The following CYTH1 variants were observed in gnomAD, a reference collection of about 807,000 sequenced individuals.
CYTH1 encodes the protein cytohesin 1.
CYTH1 carries 18 observed loss-of-function variants against 61.8 expected under a neutral mutation model. The observed-to-expected ratio is 0.29, with a 90% CI of 0.20 to 0.43. The LOEUF (loss-of-function observed/expected upper bound fraction) is 0.43, where lower values mean the gene tolerates loss of function less well. Ranked by LOEUF, CYTH1 falls within the 20% of genes least tolerant of loss-of-function variation. CYTH1 has a pLI of 1.00. For missense variants in CYTH1, 336 were observed against 510.5 expected, an observed-to-expected ratio of 0.66 and a Z score of 3.29; for synonymous variants, 174 against 184.3, an observed-to-expected ratio of 0.94 and a Z score of 0.45.
chr17:78,712,205 GAAAGAGAAAGAA>G (rs1001535872), intron 1 of CYTH1, among the ~76,000 whole-genome samples: 3 of 151,250 alleles, frequency 2.0e-5, no homozygotes, highest in Non-Finnish European at 4.4e-5. Flanking sequence ...AAGAGAGAGA[GAAAGAGAAAGAA>G]AAAGAGAAAG....
chr17:78,687,024 GC>G (rs1201578731), intron 11 of CYTH1, among the ~76,000 whole-genome samples: 13 of 152,010 alleles, frequency 8.6e-5, no homozygotes, highest in Non-Finnish European at 1.5e-5. Context: ...CAGGTGATCT[GC>G]CCACCTTGGC....
intron 11 of CYTH1, among the ~76,000 whole-genome samples, chr17:78,685,336 C>T (rs1347732787): frequency 6.8e-6 from 1 of 147,440 alleles, no homozygotes; most frequent in Non-Finnish European, 1.5e-5. Flanking sequence ...GTTCCTCCTC[C>T]CACCTCCTGA....
Position 78,679,512 on chromosome 17 carries a change from G to T in CYTH1, c.1118+678C>A, listed in dbSNP as rs192034030. Among the ~76,000 whole-genome samples, 22 of 152,316 alleles carry T rather than the reference G, an allele frequency of 1.4e-4. No homozygotes were observed. The East Asian group carries it at 3.9e-3, about 27-fold the overall frequency. On this transcript the variant is annotated intron_variant, in intron 13 of 13. Coordinates refer to ENST00000446868, the MANE Select transcript of CYTH1 (RefSeq NM_004762.6). ...GGAGAGCCAGGCAGACCAAGTCCCA[G>T]GGAAGAACATTAAGCAAGAGAAGCC...
At chr17:78,761,732 C>T (rs150846416) in intron 1 of CYTH1, among the ~76,000 whole-genome samples, 76 of 151,836 alleles carry the variant, frequency 5.0e-4, no homozygotes, top group African/African-American at 1.0e-3. Context: ...AGCGAGACTC[C>T]GTCTCAAAAA....
rs2093159377 is a variant in CYTH1 at position 78,713,965 on chromosome 17, C to T, written c.23-4233G>A. Among the ~76,000 whole-genome samples the T allele has an allele frequency of 4.6e-5, 7 of 152,278 alleles. No homozygotes were observed. In the South Asian group the frequency reaches 1.2e-3, roughly 27 times the overall value. ...TATAAATTCAAAATGCCCTTCTAGTCCTCTATCTTCCAAGATATTATTTTT... is the reference window on the plus strand; with the variant it reads ...TATAAATTCAAAATGCCCTTCTAGTTCTCTATCTTCCAAGATATTATTTTT... On this transcript the variant is annotated intron_variant, in intron 1 of 13. Transcript: ENST00000446868.
rs558852729 is a variant in CYTH1 at position 78,775,238 on chromosome 17, G to T, written c.22+6964C>A. ...TCCTGTGGCCCATGAAGATTGGGGG[G>T]GCCGCTGGGGGTTAGGGGAAGAGGA... On this transcript the variant is annotated intron_variant, in intron 1 of 13. Transcript: ENST00000446868. 9.8e-5 allele frequency among the ~76,000 whole-genome samples: 15 copies of T among 152,326 alleles called. 1 individual carries two copies. Among genetic ancestry groups the T allele is most frequent in the African/African-American group, 2.4e-4 (10 of 41,566 alleles).
At chr17:78,699,116 C>A in intron 7 of CYTH1, 148 bp from the exon 8 acceptor site, 1 of 963,926 alleles carries the variant, frequency 1.0e-6, no homozygotes, top group Non-Finnish European at 1.5e-6. Flanking sequence ...CCTGTAATCC[C>A]TGCACTTTGG....
chr17:78,742,828 C>T (rs67259180), intron 1 of CYTH1, among the ~76,000 whole-genome samples: 8,097 of 152,120 alleles, frequency 0.053, 388 homozygotes, highest in South Asian at 0.12. Context: ...GCACTCCAGC[C>T]TGGGAGACAG....
intron 13 of CYTH1, among the ~76,000 whole-genome samples, chr17:78,679,970 T>C (rs1409898717): frequency 6.6e-6 from 1 of 152,192 alleles, no homozygotes; most frequent in African/African-American, 2.4e-5. Flanking sequence ...TGAGGACACG[T>C]GGGGAACCCA....
At chr17:78,759,318 C>T (rs929539746) in intron 1 of CYTH1, among the ~76,000 whole-genome samples, 4 of 152,142 alleles carry the variant, frequency 2.6e-5, no homozygotes, top group Non-Finnish European at 1.5e-5. Context: ...GTCTCATGCG[C>T]CTAGCAGTCT....
chr17:78,686,949 T>C (rs1188500632), intron 11 of CYTH1, among the ~76,000 whole-genome samples: 1 of 151,946 alleles, frequency 6.6e-6, no homozygotes, highest in African/African-American at 2.4e-5. Context: ...ACTTGGCTGA[T>C]TTTTTATTTT....
chr17:78,699,009 C>T (rs957082131), intron 7 of CYTH1, 41 bp from the exon 8 acceptor site: 1 of 1,597,614 alleles, frequency 6.3e-7, no homozygotes, highest in East Asian at 2.3e-5. Flanking sequence ...GTTGCATGCT[C>T]AGATGTTCAG....
chr17:78,780,317 A>T (rs938515333), intron 1 of CYTH1, among the ~76,000 whole-genome samples: 3 of 152,064 alleles, frequency 2.0e-5, no homozygotes, highest in African/African-American at 7.2e-5. Context: ...CAGCCTAGGC[A>T]ACATAGGGAG....
intron 1 of CYTH1, among the ~76,000 whole-genome samples, chr17:78,778,999 T>C (rs1007109454): frequency 6.6e-6 from 1 of 152,212 alleles, no homozygotes; most frequent in East Asian, 1.9e-4. Context: ...TTATTCTTCA[T>C]ATGATCATCT....
intron 10 of CYTH1, among the ~76,000 whole-genome samples, chr17:78,693,218 A>G (rs887414655): frequency 7.9e-5 from 12 of 152,200 alleles, no homozygotes; most frequent in Non-Finnish European, 1.8e-4. Context: ...CCTGGAGCTT[A>G]TAACAGAAAC....
intron 7 of CYTH1, among the ~76,000 whole-genome samples, chr17:78,699,993 G>A (rs971760960): frequency 3.5e-4 from 53 of 152,244 alleles, no homozygotes; most frequent in African/African-American, 1.2e-3. Flanking sequence ...GTCTCATAAT[G>A]TTGCCCAGGC....
intron 9 of CYTH1, among the ~76,000 whole-genome samples, chr17:78,697,591 T>C (rs1335236289): frequency 6.7e-6 from 1 of 149,544 alleles, no homozygotes; most frequent in African/African-American, 2.5e-5. Flanking sequence ...TGATTCAGAT[T>C]GAAAAGGAGG....
At chr17:78,763,469 C>T (rs2093436614) in intron 1 of CYTH1, among the ~76,000 whole-genome samples, 1 of 152,024 alleles carries the variant, frequency 6.6e-6, no homozygotes, top group Non-Finnish European at 1.5e-5. Flanking sequence ...TTTCCAAGAC[C>T]CCCCACGGAT....
Position 78,746,338 on chromosome 17 carries a change from G to T in CYTH1, c.22+35864C>A, listed in dbSNP as rs373540409. On this transcript the variant is annotated intron_variant, in intron 1 of 13. Transcript: ENST00000446868. ...GGATTCTCTTTTCTAAAATTCTGAG[G>T]TATACAAAATACATGTATATTCTTC... 7.9e-5 allele frequency among the ~76,000 whole-genome samples: 12 copies of T among 152,148 alleles called. 4 individuals carry two copies. Among genetic ancestry groups the T allele is most frequent in the Admixed American group, 6.5e-5 (1 of 15,286 alleles).
Sources: allele counts gnomAD v4.1 joint callset (sites outside exome capture counted in the v4.1 genomes callset), GRCh38; gene constraint gnomAD v4.1.1; transcripts MANE v1.5; gene names NCBI Gene and HGNC (gene_info 2026-07-23, HGNC 2026-07-21).